TMEM217B: variants seen among roughly 807,000 people sequenced by gnomAD.
TMEM217B encodes transmembrane protein 217B, also known as putative transmembrane protein 217B.
At chr6:37,225,022 A>C in the TMEM217B span, among the ~76,000 whole-genome samples, 100,546 of 148,714 alleles carry the variant, frequency 0.68, 34,142 homozygotes, top group East Asian at 0.83. Flanking sequence ...AAAAAAAAAA[A>C]AAAACACCAC....
chr6:37,222,436 G>C, the TMEM217B span, among the ~76,000 whole-genome samples: 1 of 152,234 alleles, frequency 6.6e-6, no homozygotes, highest in African/African-American at 2.4e-5. Flanking sequence ...AGGAAGCCGG[G>C]GAAGGGGGCC....
chr6:37,225,904 C>T, the TMEM217B span, among the ~76,000 whole-genome samples: 1 of 152,156 alleles, frequency 6.6e-6, no homozygotes, highest in Non-Finnish European at 1.5e-5. Flanking sequence ...TGTTTTTTAG[C>T]CATGATTGGA....
chr6:37,240,406 G>T, the TMEM217B span, among the ~76,000 whole-genome samples: 1 of 152,208 alleles, frequency 6.6e-6, no homozygotes, highest in Non-Finnish European at 1.5e-5. Flanking sequence ...GTTGGCCAGA[G>T]AACTCAGTTC....
At chr6:37,257,880 C>G in the TMEM217B span, 13 of 1,608,084 alleles carry the variant, frequency 8.1e-6, no homozygotes, top group Non-Finnish European at 1.1e-5. Context: ...CCGGGCAAAC[C>G]CTTGGCCCGC....
chr6:37,242,891 G>A, the TMEM217B span, among the ~76,000 whole-genome samples: 2 of 152,076 alleles, frequency 1.3e-5, no homozygotes, highest in African/African-American at 4.8e-5. Flanking sequence ...TCTCTTCCAT[G>A]TTTGTCTCTT....
At chr6:37,252,702 C>T in the TMEM217B span, among the ~76,000 whole-genome samples, 3 of 144,140 alleles carry the variant, frequency 2.1e-5, no homozygotes, top group Non-Finnish European at 4.5e-5. Context: ...TGCAATGGCA[C>T]AATCTCGGCT....
chr6:37,252,052 C>T, the TMEM217B span, among the ~76,000 whole-genome samples: 1 of 152,140 alleles, frequency 6.6e-6, no homozygotes, highest in Non-Finnish European at 1.5e-5. Context: ...CGCCACCATG[C>T]CCAGCTAATT....
At chr6:37,242,696 C>T in the TMEM217B span, among the ~76,000 whole-genome samples, 1 of 152,176 alleles carries the variant, frequency 6.6e-6, no homozygotes, top group African/African-American at 2.4e-5. Context: ...ATCTAATACT[C>T]CCACTTCCTC....
chr6:37,256,312 G>C, the TMEM217B span, among the ~76,000 whole-genome samples: 2 of 152,194 alleles, frequency 1.3e-5, no homozygotes, highest in African/African-American at 4.8e-5. Context: ...CTCTTCTAAA[G>C]TCCAAACAGC....
At chr6:37,252,368 G>C in the TMEM217B span, among the ~76,000 whole-genome samples, 1 of 151,976 alleles carries the variant, frequency 6.6e-6, no homozygotes, top group Non-Finnish European at 1.5e-5. Context: ...ATGAATAGCT[G>C]CAAGAGAGAC....
chr6:37,255,342 C>T, the TMEM217B span, among the ~76,000 whole-genome samples: 182 of 152,126 alleles, frequency 1.2e-3, no homozygotes, highest in Middle Eastern at 6.8e-3. Context: ...GGGGCCATTG[C>T]AAAGTTTTCA....
the TMEM217B span, among the ~76,000 whole-genome samples, chr6:37,215,513 G>A: frequency 7.3e-6 from 1 of 136,628 alleles, no homozygotes; most frequent in Admixed American, 7.8e-5. Context: ...AGAGGTTGCA[G>A]TGAGCTGATA....
At chr6:37,218,487 A>G in the TMEM217B span, 5 of 1,613,930 alleles carry the variant, frequency 3.1e-6, no homozygotes, top group South Asian at 4.4e-5. Context: ...GAAATTGATA[A>G]TCTTTTATTT....
At chr6:37,213,867 C>T in the TMEM217B span, among the ~76,000 whole-genome samples, 1 of 152,264 alleles carries the variant, frequency 6.6e-6, no homozygotes, top group African/African-American at 2.4e-5. Context: ...TCATTCACTA[C>T]ACTGGCGAGC....
At chr6:37,217,807 G>T in the TMEM217B span, 1 of 985,396 alleles carries the variant, frequency 1.0e-6, no homozygotes, top group Non-Finnish European at 1.2e-6. Context: ...AAGAGTTGTG[G>T]GTTGAAGGCT....
chr6:37,214,786 G>A, the TMEM217B span, among the ~76,000 whole-genome samples: 1 of 152,146 alleles, frequency 6.6e-6, no homozygotes, highest in African/African-American at 2.4e-5. Context: ...AACCCTGTGT[G>A]ACTCCAGATA....
chr6:37,224,437 A>C, the TMEM217B span, among the ~76,000 whole-genome samples: 97 of 151,398 alleles, frequency 6.4e-4, 2 homozygotes, highest in East Asian at 0.018. Flanking sequence ...TCTCTACTAA[A>C]AATACAAAAA....
the TMEM217B span, among the ~76,000 whole-genome samples, chr6:37,248,117 CCAAT>C: frequency 6.7e-4 from 102 of 152,226 alleles, no homozygotes; most frequent in African/African-American, 2.4e-3. Flanking sequence ...CCTCAGCTTC[CCAAT>C]CAGAGAGGAT....
the TMEM217B span, among the ~76,000 whole-genome samples, chr6:37,224,584 C>CTTTT: frequency 6.7e-6 from 1 of 149,694 alleles, no homozygotes; most frequent in East Asian, 2.1e-4. Context: ...GGTGACAGAG[C>CTTTT]GAGACTCCTC....
Sources: gnomAD v4.1 joint callset for allele counts (sites outside exome capture counted in the v4.1 genomes callset) on GRCh38, gnomAD v4.1.1 for gene constraint, MANE v1.5 for transcripts, NCBI Gene and HGNC (gene_info 2026-07-23, HGNC 2026-07-21) for gene names.